The following ROBO2 variants were observed in gnomAD, a reference collection of about 807,000 sequenced individuals.
ROBO2 encodes the protein roundabout homolog 2.
A neutral mutation model predicts 160.8 loss-of-function variants in ROBO2; 53 were observed. That is an observed-to-expected ratio of 0.33 (90% CI 0.26 to 0.41). ROBO2 has a LOEUF of 0.41. ROBO2 is among the 10% of genes least tolerant of loss of function. The pLI, the probability that ROBO2 is intolerant of heterozygous loss-of-function variation, is 1.00. For missense variants in ROBO2, 1,577 were observed against 1,722.4 expected (o/e 0.92, Z 1.49); for synonymous variants, 664 against 611.7 (o/e 1.09, Z -1.26).
chr3:76,192,529 CACACA>C (rs1702060987), intron 2 of ROBO2, among the ~76,000 whole-genome samples: 1 of 61,150 alleles, frequency 1.6e-5, no homozygotes, highest in African/African-American at 6.1e-5. Context: ...CTCCACCACA[CACACA>C]CACACACACA....
intron 2 of ROBO2, among the ~76,000 whole-genome samples, chr3:76,020,986 T>C (rs1334969864): frequency 6.6e-6 from 1 of 151,862 alleles, no homozygotes; most frequent in Non-Finnish European, 1.5e-5. Flanking sequence ...TTACTTATGT[T>C]TTACTGAATG....
chr3:77,122,186 C>A (rs1339103711), intron 2 of ROBO2, among the ~76,000 whole-genome samples: 2 of 152,254 alleles, frequency 1.3e-5, no homozygotes, highest in Admixed American at 6.5e-5. Flanking sequence ...CTCTCTTGTT[C>A]TACACAGATG....
intron 2 of ROBO2, among the ~76,000 whole-genome samples, chr3:77,020,541 G>A (rs190680461): frequency 6.6e-5 from 10 of 152,182 alleles, no homozygotes; most frequent in Admixed American, 2.6e-4. Context: ...AGTATTGTTC[G>A]TATAAGGAAA....
At chr3:77,528,411 G>A (rs1464538836) in intron 6 of ROBO2, among the ~76,000 whole-genome samples, 1 of 150,598 alleles carries the variant, frequency 6.6e-6, no homozygotes, top group Non-Finnish European at 1.5e-5. Flanking sequence ...ATATATGTTG[G>A]TTCAGACTCA....
At chr3:76,992,369 A>ATT (rs1491181246) in intron 2 of ROBO2, among the ~76,000 whole-genome samples, 415 of 30,156 alleles carry the variant, frequency 0.014, 13 homozygotes, top group African/African-American at 0.029. Flanking sequence ...ATATATATAT[A>ATT]AATTTAGCTT....
chr3:77,480,658 A>T (rs1302211850), intron 3 of ROBO2, among the ~76,000 whole-genome samples: 1 of 152,110 alleles, frequency 6.6e-6, no homozygotes, highest in East Asian at 1.9e-4. Context: ...CTGTCTCTTA[A>T]GTGTCCAGAA....
At chr3:77,549,900 G>A (rs1481549522) in intron 7 of ROBO2, among the ~76,000 whole-genome samples, 1 of 151,992 alleles carries the variant, frequency 6.6e-6, no homozygotes, top group South Asian at 2.1e-4. Flanking sequence ...GGGTTAAAAT[G>A]TCCTTTTTTG....
chr3:77,393,563 A>G (rs7427284), intron 2 of ROBO2, among the ~76,000 whole-genome samples: 32,178 of 148,218 alleles, frequency 0.22, 4,474 homozygotes, highest in Non-Finnish European at 0.31. Context: ...TATAGTTAAT[A>G]GTATAGTATA....
chr3:77,634,698 G>T, intron 23 of ROBO2, 172 bp from the exon 25 acceptor site: 1 of 675,536 alleles, frequency 1.5e-6, no homozygotes. Flanking sequence ...CAAAATATGT[G>T]CAGCTGAGAA....
chr3:76,955,430 A>T lies in ROBO2; in HGVS notation c.110-142584A>T, dbSNP rs533843300. Among the ~76,000 whole-genome samples, 4 of 152,220 alleles carry T rather than the reference A, an allele frequency of 2.6e-5. No individual in the cohort carries two copies. In the South Asian group the frequency reaches 8.3e-4, roughly 32 times the overall value. On this transcript the variant is annotated intron_variant, in intron 2 of 26. Coordinates refer to the ROBO2 transcript ENST00000487694. ...TTCTATGTTGATCTTTCTGAGGGGA[A>T]CCACTAAATTGTTTTCCACGGTAAC...
intron 2 of ROBO2, among the ~76,000 whole-genome samples, chr3:76,127,254 A>G (rs1359186899): frequency 6.6e-6 from 1 of 152,166 alleles, no homozygotes; most frequent in Non-Finnish European, 1.5e-5. Flanking sequence ...GGCCACTTCT[A>G]GAAGCTGGAA....
chr3:77,467,579 A>ATCTG (rs968872142), intron 2 of ROBO2, among the ~76,000 whole-genome samples: 1 of 133,594 alleles, frequency 7.5e-6, no homozygotes, highest in Non-Finnish European at 1.6e-5. Context: ...TTTATCATCT[A>ATCTG]TCTGTCTGTA....
intron 2 of ROBO2, among the ~76,000 whole-genome samples, chr3:77,332,300 C>G (rs2066053172): frequency 1.3e-5 from 2 of 152,184 alleles, no homozygotes; most frequent in African/African-American, 4.8e-5. Context: ...ACATCTGAGA[C>G]TATGGCACAA....
intron 8 of ROBO2, among the ~76,000 whole-genome samples, chr3:77,552,489 A>G (rs2092955559): frequency 1.3e-5 from 2 of 152,144 alleles, no homozygotes; most frequent in Admixed American, 1.3e-4. Context: ...AATTAATGGA[A>G]AACCTTTGAG....
At position 76,812,950 on chromosome 3, in the gene ROBO2, A is replaced by G. The variant is rs995775663; in HGVS notation, c.110-285064A>G. On this transcript the variant is annotated intron_variant, in intron 2 of 26. Transcript: ENST00000487694. ...TTTTTTTTTTTAGCAAATCTCATCC[A>G]TGACACAAATCAAAAAGACACTTGC... Among the ~76,000 whole-genome samples, 7 of 130,696 alleles carry G rather than the reference A, an allele frequency of 5.4e-5. No individual in the cohort carries two copies. In the Admixed American group the frequency reaches 6.2e-4, roughly 12 times the overall value. The allele number at this position is 130,696 out of a possible 152,430, so 85.7% of individuals were successfully genotyped here. A position where few individuals can be genotyped will look rare whatever the true frequency, so the allele number is the denominator to read the frequency against.
intron 2 of ROBO2, among the ~76,000 whole-genome samples, chr3:77,185,567 G>C (rs2081205098): frequency 6.6e-6 from 1 of 151,934 alleles, no homozygotes; most frequent in Non-Finnish European, 1.5e-5. Context: ...TGGTGGGAAT[G>C]TAAACTAGTA....
At chr3:76,209,874 A>G (rs777171345) in intron 2 of ROBO2, among the ~76,000 whole-genome samples, 67 of 152,128 alleles carry the variant, frequency 4.4e-4, no homozygotes, top group Non-Finnish European at 1.6e-4. Flanking sequence ...TTTATCTTCT[A>G]TGGAATACAG....
intron 2 of ROBO2, among the ~76,000 whole-genome samples, chr3:76,948,503 C>T (rs1263898304): frequency 6.6e-6 from 1 of 150,512 alleles, no homozygotes; most frequent in African/African-American, 2.4e-5. Flanking sequence ...TTCAAATCTT[C>T]TGAAGTGGGA....
At chr3:76,185,521 G>T (rs963172309) in intron 2 of ROBO2, among the ~76,000 whole-genome samples, 1 of 151,958 alleles carries the variant, frequency 6.6e-6, no homozygotes, top group Non-Finnish European at 1.5e-5. Flanking sequence ...AGCATGGGAA[G>T]AGAGGAGAAA....
Sources: gnomAD v4.1 joint callset for allele counts (sites outside exome capture counted in the v4.1 genomes callset) on GRCh38, gnomAD v4.1.1 for gene constraint, MANE v1.5 for transcripts, NCBI Gene and HGNC (gene_info 2026-07-23, HGNC 2026-07-21) for gene names.